The following KHDRBS2 variants were observed in gnomAD, a reference collection of about 807,000 sequenced individuals.
KHDRBS2 encodes the protein KH RNA binding domain containing, signal transduction associated 2, also known as KH domain-containing, RNA-binding, signal transduction-associated protein 2.
Under a neutral mutation model 44.3 loss-of-function variants are expected in KHDRBS2, and 26 were observed. The observed-to-expected ratio is 0.59, with a 90% CI of 0.43 to 0.81. The LOEUF is 0.81. Ranked by LOEUF, KHDRBS2 falls within the 40% of genes least tolerant of loss-of-function variation. The probability of loss-of-function intolerance (pLI) is 0.00; values close to 1 mark genes in which losing one functional copy is unlikely to be tolerated. For synonymous variants in KHDRBS2, 194 were observed against 151.1 expected (o/e 1.28, Z -2.08); for missense variants, 476 against 433.1 (o/e 1.10, Z -0.88).
At chr6:61,936,508 T>C (rs1811057486) in intron 4 of KHDRBS2, among the ~76,000 whole-genome samples, 1 of 151,996 alleles carries the variant, frequency 6.6e-6, no homozygotes, top group Non-Finnish European at 1.5e-5. Context: ...ATTATTCTTT[T>C]TAAGTTAGAT....
rs1334739265 is a variant in KHDRBS2 at position 62,074,216 on chromosome 6, C to T, written c.220-26222G>A. The stretch of plus-strand genomic sequence containing the variant: ...AAACACAAATTAAATAAGCTAGGAT[C>T]CAGTTAAGCCATGCCTGGACTTCTG... On this transcript the variant is annotated intron_variant, in intron 2 of 8. Transcript: ENST00000281156. 2.0e-5 allele frequency among the ~76,000 whole-genome samples: 3 copies of T among 151,944 alleles called. No homozygotes were observed. In the East Asian group the frequency reaches 5.8e-4, roughly 30 times the overall value.
intron 6 of KHDRBS2, among the ~76,000 whole-genome samples, chr6:61,783,076 G>A (rs1331284683): frequency 3.3e-5 from 5 of 152,008 alleles, no homozygotes; most frequent in South Asian, 2.1e-4. Context: ...ATTATTACAG[G>A]GGAATGAATA....
intron 7 of KHDRBS2, among the ~76,000 whole-genome samples, chr6:61,706,502 C>T (rs1769580183): frequency 6.6e-6 from 1 of 151,692 alleles, no homozygotes; most frequent in Non-Finnish European, 1.5e-5. Context: ...GGAAACTATG[C>T]CAGGTAATGA....
intron 2 of KHDRBS2, among the ~76,000 whole-genome samples, chr6:62,070,568 C>T (rs1325012912): frequency 6.6e-6 from 1 of 151,998 alleles, no homozygotes; most frequent in Non-Finnish European, 1.5e-5. Context: ...CAATTCCCAC[C>T]TATGAGTGAG....
chr6:62,136,993 CTTTTTTTTTTTTTT>C (rs141092447), intron 2 of KHDRBS2, among the ~76,000 whole-genome samples: 3 of 78,322 alleles, frequency 3.8e-5, no homozygotes, highest in South Asian at 4.8e-4. Flanking sequence ...TCTTTCTTTT[CTTTTTTTTTTTTTT>C]TTTTTTTTTT....
At chr6:62,023,214 G>T (rs1463731737) in intron 3 of KHDRBS2, among the ~76,000 whole-genome samples, 1 of 151,650 alleles carries the variant, frequency 6.6e-6, no homozygotes, top group Admixed American at 6.6e-5. Context: ...ATTAAAATGT[G>T]TGTCAGATTT....
chr6:61,544,627 G>T, the KHDRBS2 span, among the ~76,000 whole-genome samples: 1 of 152,092 alleles, frequency 6.6e-6, no homozygotes, highest in Non-Finnish European at 1.5e-5. Context: ...CTGAATGAAA[G>T]ATTTCCTGGG....
intron 6 of KHDRBS2, among the ~76,000 whole-genome samples, chr6:61,746,635 T>C (rs186416241): frequency 5.1e-4 from 77 of 152,292 alleles, no homozygotes; most frequent in African/African-American, 1.7e-3. Flanking sequence ...TGTGTCTCTA[T>C]AGAAGAATTT....
the KHDRBS2 span, among the ~76,000 whole-genome samples, chr6:61,640,724 G>T: frequency 1.3e-5 from 2 of 152,094 alleles, no homozygotes; most frequent in Non-Finnish European, 2.9e-5. Flanking sequence ...TTTGCTAGCT[G>T]AACTGGATCC....
chr6:62,271,585 C>T (rs961193882), intron 1 of KHDRBS2, among the ~76,000 whole-genome samples: 1 of 152,070 alleles, frequency 6.6e-6, no homozygotes, highest in African/African-American at 2.4e-5. Context: ...TAGATGATGA[C>T]AGTTCCCTAT....
chr6:62,065,517 G>A (rs1793406715), intron 2 of KHDRBS2, among the ~76,000 whole-genome samples: 1 of 150,566 alleles, frequency 6.6e-6, no homozygotes, highest in African/African-American at 2.4e-5. Flanking sequence ...ATCATTCTCA[G>A]TAAACTATCG....
At chr6:62,238,657 T>C (rs176615) in intron 1 of KHDRBS2, among the ~76,000 whole-genome samples, 120,804 of 151,536 alleles carry the variant, frequency 0.8, 48,776 homozygotes, top group African/African-American at 0.93. Flanking sequence ...AATGCTAAGA[T>C]GACTGGATGA....
intron 1 of KHDRBS2, among the ~76,000 whole-genome samples, chr6:62,260,066 C>T (rs1838085410): frequency 6.6e-6 from 1 of 151,934 alleles, no homozygotes; most frequent in Admixed American, 6.6e-5. Flanking sequence ...TGCTGCCAGT[C>T]AGAGCTGGGG....
chr6:61,753,519 TAGTC>T (rs1241936899), intron 6 of KHDRBS2, among the ~76,000 whole-genome samples: 17 of 152,296 alleles, frequency 1.1e-4, no homozygotes, highest in African/African-American at 3.6e-4. Context: ...TTGCAATTCA[TAGTC>T]AGCTCTGCTG....
intron 2 of KHDRBS2, among the ~76,000 whole-genome samples, chr6:62,066,916 A>G (rs537193067): frequency 1.8e-4 from 28 of 151,782 alleles, no homozygotes; most frequent in Middle Eastern, 3.4e-3. Context: ...ATTGCATACC[A>G]TACAGATAGT....
At chr6:61,840,638 C>T (rs1371855138) in intron 6 of KHDRBS2, among the ~76,000 whole-genome samples, 1 of 152,082 alleles carries the variant, frequency 6.6e-6, no homozygotes, top group Non-Finnish European at 1.5e-5. Context: ...GGGACAGTGA[C>T]ATTTCTCATT....
intron 7 of KHDRBS2, among the ~76,000 whole-genome samples, chr6:61,713,089 C>T (rs966982437): frequency 1.3e-4 from 19 of 151,086 alleles, no homozygotes; most frequent in African/African-American, 4.1e-4. Context: ...ATTTTTGGCC[C>T]AGATGTCACA....
At chr6:61,953,487 AG>A in intron 4 of KHDRBS2, among the ~76,000 whole-genome samples, 1 of 152,230 alleles carries the variant, frequency 6.6e-6, no homozygotes, top group East Asian at 1.9e-4. Flanking sequence ...ATTGAAATTT[AG>A]GAAAATCGCT....
At chr6:61,961,390 GAAAA>G (rs1448452489) in intron 4 of KHDRBS2, among the ~76,000 whole-genome samples, 7 of 146,370 alleles carry the variant, frequency 4.8e-5, no homozygotes, top group Non-Finnish European at 9.0e-5. Flanking sequence ...AGGGAAGAAA[GAAAA>G]AGAAAGAAAG....
Sources: gnomAD v4.1 joint callset for allele counts (sites outside exome capture counted in the v4.1 genomes callset) on GRCh38, gnomAD v4.1.1 for gene constraint, MANE v1.5 for transcripts, NCBI Gene and HGNC (gene_info 2026-07-23, HGNC 2026-07-21) for gene names.